FOXN3: variants seen among roughly 807,000 people sequenced by gnomAD.
The protein encoded by FOXN3 is forkhead box protein N3.
Under a neutral mutation model 38.4 loss-of-function variants are expected in FOXN3, and 7 were observed. The ratio of observed to expected loss-of-function variants is 0.18; its 90% CI spans 0.10 to 0.34. The LOEUF is 0.34. FOXN3 is among the 10% of genes least tolerant of loss of function. The probability of loss-of-function intolerance (pLI) is 1.00; values close to 1 mark genes in which losing one functional copy is unlikely to be tolerated. For synonymous variants in FOXN3, 230 were observed against 242.2 expected (o/e 0.95, Z 0.47); for missense variants, 456 against 613.4 (o/e 0.74, Z 2.71).
chr14:89,531,952 G>A, intron 1 of FOXN3, among the ~76,000 whole-genome samples: 1 of 152,166 alleles, frequency 6.6e-6, no homozygotes, highest in East Asian at 1.9e-4. Context: ...ACGACTACAG[G>A]CATGAGCCAC....
At chr14:89,178,350 A>G (rs890215416) in intron 5 of FOXN3, among the ~76,000 whole-genome samples, 5 of 151,912 alleles carry the variant, frequency 3.3e-5, no homozygotes, top group Non-Finnish European at 5.9e-5. Context: ...GGATCTCCCT[A>G]TGTTGCTCAG....
At chr14:89,215,439 A>G (rs892948724) in intron 4 of FOXN3, among the ~76,000 whole-genome samples, 1 of 151,388 alleles carries the variant, frequency 6.6e-6, no homozygotes, top group Non-Finnish European at 1.5e-5. Context: ...TTTGATTTTG[A>G]TTTTCAAAAG....
chr14:89,475,380 G>A (rs1376853238), intron 1 of FOXN3, among the ~76,000 whole-genome samples: 1 of 152,170 alleles, frequency 6.6e-6, no homozygotes, highest in Non-Finnish European at 1.5e-5. Context: ...TCACTGCTAG[G>A]AGCAGTGGCT....
intron 2 of FOXN3, among the ~76,000 whole-genome samples, chr14:89,359,244 C>T (rs564776366): frequency 1.2e-4 from 18 of 151,550 alleles, no homozygotes; most frequent in Admixed American, 2.6e-4. Context: ...TGCAGTGAGC[C>T]GAGATCACGC....
At chr14:89,260,687 G>A (rs1885770772) in intron 4 of FOXN3, among the ~76,000 whole-genome samples, 1 of 152,210 alleles carries the variant, frequency 6.6e-6, no homozygotes, top group Non-Finnish European at 1.5e-5. Context: ...GGCTCAAAGA[G>A]GGGCCCAACT....
chr14:89,557,139 G>A (rs1895144569), intron 1 of FOXN3, among the ~76,000 whole-genome samples: 1 of 152,172 alleles, frequency 6.6e-6, no homozygotes, highest in Non-Finnish European at 1.5e-5. Flanking sequence ...TGTCCTCAAG[G>A]CCAGTATGGC....
chr14:89,552,064 A>G (rs779449372), intron 1 of FOXN3, among the ~76,000 whole-genome samples: 8 of 152,228 alleles, frequency 5.3e-5, no homozygotes, highest in Non-Finnish European at 1.2e-4. Flanking sequence ...TTGGAGCCAA[A>G]CACTTGAAGG....
chr14:89,322,825 C>A (rs905821930), intron 3 of FOXN3, among the ~76,000 whole-genome samples: 2 of 152,130 alleles, frequency 1.3e-5, no homozygotes, highest in African/African-American at 4.8e-5. Context: ...TCCATCCATT[C>A]AAAACTACCA....
At chr14:89,316,463 C>A (rs1026852850) in intron 3 of FOXN3, among the ~76,000 whole-genome samples, 5 of 152,112 alleles carry the variant, frequency 3.3e-5, no homozygotes, top group Non-Finnish European at 7.3e-5. Context: ...TCAAGCAATC[C>A]TCCTACCTCA....
At chr14:89,284,698 C>T in intron 3 of FOXN3, among the ~76,000 whole-genome samples, 1 of 152,304 alleles carries the variant, frequency 6.6e-6, no homozygotes, top group African/African-American at 2.4e-5. Context: ...AGCAAAAATC[C>T]CATGACCTTC....
intron 1 of FOXN3, among the ~76,000 whole-genome samples, chr14:89,571,473 C>CA (rs1383833383): frequency 6.6e-6 from 1 of 150,472 alleles, no homozygotes; most frequent in East Asian, 2.0e-4. Flanking sequence ...TGTGCCACTA[C>CA]ACTCCAGCCT....
chr14:89,452,927 G>A (rs747978196), intron 1 of FOXN3, among the ~76,000 whole-genome samples: 12 of 152,182 alleles, frequency 7.9e-5, no homozygotes, highest in African/African-American at 1.2e-4. Flanking sequence ...GGCCGGGCAC[G>A]GCAGCTCACG....
chr14:89,507,318 C>T (rs1444118809), intron 1 of FOXN3, among the ~76,000 whole-genome samples: 23 of 152,094 alleles, frequency 1.5e-4, no homozygotes, highest in Non-Finnish European at 2.9e-5. Context: ...TGCAGGCAAT[C>T]GGAGCTATCG....
chr14:89,345,489 A>G (rs1051608557), intron 3 of FOXN3, among the ~76,000 whole-genome samples: 1 of 151,976 alleles, frequency 6.6e-6, no homozygotes, highest in Non-Finnish European at 1.5e-5. Flanking sequence ...GTATACTACT[A>G]TTTTTTTATT....
At chr14:89,213,444 A>T (rs1256126455) in intron 4 of FOXN3, among the ~76,000 whole-genome samples, 1 of 152,162 alleles carries the variant, frequency 6.6e-6, no homozygotes, top group Admixed American at 6.5e-5. Context: ...AAACTCGAAG[A>T]TGGGTTTTGA....
At chr14:89,229,485 A>T (rs1884741036) in intron 4 of FOXN3, among the ~76,000 whole-genome samples, 1 of 152,202 alleles carries the variant, frequency 6.6e-6, no homozygotes, top group Non-Finnish European at 1.5e-5. Context: ...AAAGTTTGCC[A>T]AAAGACAGTT....
At chr14:89,294,637 C>A (rs1886981617) in intron 3 of FOXN3, among the ~76,000 whole-genome samples, 1 of 152,082 alleles carries the variant, frequency 6.6e-6, no homozygotes, top group African/African-American at 2.4e-5. Context: ...CAGCTGAAAC[C>A]CACCGAACCA....
chr14:89,383,044 T>G (rs984151952), intron 2 of FOXN3, among the ~76,000 whole-genome samples: 34 of 149,958 alleles, frequency 2.3e-4, no homozygotes, highest in African/African-American at 7.8e-4. Context: ...TTTTTTTTTT[T>G]TTTTTTTTTT....
chr14:89,234,301 C>A (rs541305771), intron 4 of FOXN3, among the ~76,000 whole-genome samples: 122 of 152,290 alleles, frequency 8.0e-4, no homozygotes, highest in Non-Finnish European at 1.6e-3. Flanking sequence ...AAGGCATTGG[C>A]AGGGCCACCA....
Sources: gnomAD v4.1 joint callset for allele counts (sites outside exome capture counted in the v4.1 genomes callset) on GRCh38, gnomAD v4.1.1 for gene constraint, MANE v1.5 for transcripts, NCBI Gene and HGNC (gene_info 2026-07-23, HGNC 2026-07-21) for gene names.